Variants in CHST4 observed in about 807,000 individuals in gnomAD.
CHST4 encodes GST-3.
For missense variants in CHST4, 466 were observed against 506.0 expected (o/e 0.92, Z 0.76); for synonymous variants, 171 against 195.5 (o/e 0.87, Z 1.05).
chr16:71,535,896 A>G (rs1000451048), intron 1 of CHST4, among the ~76,000 whole-genome samples: 6 of 152,172 alleles, frequency 3.9e-5, no homozygotes, highest in Non-Finnish European at 8.8e-5. Context: ...AATCAGAAGG[A>G]TTTGCTATCT....
chr16:71,536,724 A>G lies in CHST4; in HGVS notation c.47A>G (p.Gln16Arg), dbSNP rs751258660. Residue 16 changes from glutamine (Q) to arginine (R), a missense_variant, in exon 2 of 2, where the codon CAG becomes CGG. By Grantham distance (43) the Gln-to-Arg change is conservative (BLOSUM62 1). Transcript: ENST00000539698. The stretch of plus-strand genomic sequence containing the variant: ...AAGCTCCTGCTGTTTCTGGTTTCCC[A>G]GATGGCCATCTTGGCTCTATTCTTC... ...KMKLLLFLVS[Q>R]MAILALFFHM... is the part of the protein sequence containing the mutation. 6 of 1,495,820 alleles carry G rather than the reference A, an allele frequency of 4.0e-6. No individual in the cohort carries two copies. Among genetic ancestry groups the G allele is most frequent in the Non-Finnish European group, 5.3e-6 (6 of 1,124,060 alleles). 92.7% of individuals were successfully genotyped at this position (1,495,820 alleles called of 1,614,324 possible).
At position 71,537,117 on chromosome 16, in the gene CHST4, T is replaced by A; in HGVS notation, c.440T>A (p.Ile147Asn). 1 of 1,614,032 alleles carries A rather than the reference T, an allele frequency of 6.2e-7. No homozygotes were observed. Among genetic ancestry groups the A allele is most frequent in the Non-Finnish European group, 8.5e-7 (1 of 1,180,006 alleles). Residue 147 changes from isoleucine (I) to asparagine (N), a missense_variant, in exon 2 of 2, where the codon ATC (isoleucine) becomes AAC (asparagine). Coordinates refer to ENST00000539698, the MANE Select transcript of CHST4 (RefSeq NM_001166395.2). The surrounding 1 kb of genome is among the most constrained non-coding windows in gnomAD (Gnocchi z 4.2). Reference sequence around the variant, plus strand: ...GACATCATCCCACAAGATGAAATCATCCCCCGGGCTCACTGCAGGCTCCTG... The same window carrying A: ...GACATCATCCCACAAGATGAAATCAACCCCCGGGCTCACTGCAGGCTCCTG... Reference protein sequence around the residue: ...ACDIIPQDEIIPRAHCRLLCS... With the variant: ...ACDIIPQDEINPRAHCRLLCS...
chr16:71,526,827 C>A (rs1478114956), intron 1 of CHST4, among the ~76,000 whole-genome samples: 1 of 152,130 alleles, frequency 6.6e-6, no homozygotes, highest in Admixed American at 6.5e-5. Context: ...GCTCAAATTT[C>A]TGTACTTCCT....
At position 71,527,533 on chromosome 16, in the gene CHST4, G is replaced by A. The variant is rs540669416; in HGVS notation, c.-19+1038G>A. 1.3e-3 allele frequency among the ~76,000 whole-genome samples: 191 copies of A among 152,282 alleles called. 1 individual carries two copies. The highest frequency in any genetic ancestry group is 4.3e-3 in the African/African-American group (177 of 41,568). ...AAGCTGAGGCAGGTGGATCACCTGA[G>A]GCCAGGAGTTCAAGACCAGCCCGGC... On this transcript the variant is annotated intron_variant, in intron 1 of 1. Coordinates refer to ENST00000539698, the MANE Select transcript of CHST4 (RefSeq NM_001166395.2).
intron 1 of CHST4, among the ~76,000 whole-genome samples, chr16:71,530,471 A>C (rs1182545344): frequency 6.6e-6 from 1 of 152,162 alleles, no homozygotes; most frequent in African/African-American, 2.4e-5. Flanking sequence ...CTTATGCTTT[A>C]AAAAGATATT....
chr16:71,528,306 G>A (rs1441180716), intron 1 of CHST4, among the ~76,000 whole-genome samples: 3 of 151,188 alleles, frequency 2.0e-5, no homozygotes, highest in African/African-American at 7.3e-5. Flanking sequence ...TCAGATGGTT[G>A]GGGGGCCTTA....
rs2043998995 is a variant in CHST4 at position 71,537,346 on chromosome 16, T to C, written c.669T>C (p.Ile223=). 1 of 1,614,010 alleles carries C rather than the reference T, an allele frequency of 6.2e-7. No individual in the cohort carries two copies. The highest frequency in any genetic ancestry group is 1.1e-5 in the South Asian group (1 of 91,084). The change falls in exon 2 of 2, where the codon ATT becomes ATC. Residue 223 remains isoleucine, a synonymous_variant. Coordinates refer to ENST00000539698, the MANE Select transcript of CHST4 (RefSeq NM_001166395.2). This position sits in a 1 kb window ranked among gnomAD's most constrained non-coding sequence, Gnocchi z 4.2. ...AACGCACAAAGGGAGATCTCATGATTGACAGTCGCATTGTGATGGGGCAGC... is the reference window on the plus strand; with the variant it reads ...AACGCACAAAGGGAGATCTCATGATCGACAGTCGCATTGTGATGGGGCAGC... ...SRERTKGDLM[I]DSRIVMGQHE...
chr16:71,528,445 T>C (rs1310201787), intron 1 of CHST4, among the ~76,000 whole-genome samples: 3 of 152,164 alleles, frequency 2.0e-5, no homozygotes, highest in Non-Finnish European at 4.4e-5. Context: ...GAGCACCTAC[T>C]ATGTGCCATG....
Position 71,537,471 on chromosome 16 carries a change from A to T in CHST4, c.794A>T (p.Lys265Met). 1 of 1,614,160 alleles carries T rather than the reference A, an allele frequency of 6.2e-7. No homozygotes were observed. The highest frequency in any genetic ancestry group is 8.5e-7 in the Non-Finnish European group (1 of 1,180,022). Residue 265 changes from lysine (K) to methionine (M), a missense_variant, in exon 2 of 2, where the codon AAG becomes ATG. Coordinates refer to ENST00000539698, the MANE Select transcript of CHST4 (RefSeq NM_001166395.2). This position sits in a 1 kb window ranked among gnomAD's most constrained non-coding sequence, Gnocchi z 4.2. ...EIYKTIQSLP[K>M]ALQERYLLVR... is the part of the protein sequence containing the mutation. ...TACAAGACCATCCAGTCCTTGCCCA[A>T]GGCCCTGCAGGAACGCTACCTGCTT...
chr16:71,534,275 G>A (rs924820986), intron 1 of CHST4, among the ~76,000 whole-genome samples: 3 of 150,932 alleles, frequency 2.0e-5, no homozygotes, highest in East Asian at 2.0e-4. Context: ...TGTAATCCTA[G>A]CACTTTGGGA....
chr16:71,532,367 T>C (rs570174569), intron 1 of CHST4, among the ~76,000 whole-genome samples: 1 of 152,226 alleles, frequency 6.6e-6, no homozygotes, highest in Admixed American at 6.5e-5. Flanking sequence ...TGTTCTAATC[T>C]GCAGGGCTAA....
intron 1 of CHST4, among the ~76,000 whole-genome samples, chr16:71,529,512 G>C (rs1460311514): frequency 7.3e-6 from 1 of 136,064 alleles, no homozygotes; most frequent in Non-Finnish European, 1.6e-5. Flanking sequence ...CTGCTTTCTA[G>C]CAATTACTGT....
rs1205914409 is a variant in CHST4, at chr16:71,536,702, C to T, written c.25C>T (p.Leu9Phe). The T allele has an allele frequency of 6.7e-7, 1 of 1,495,578 alleles. No individual in the cohort carries two copies. The highest frequency in any genetic ancestry group is 2.3e-5 in the East Asian group (1 of 43,052). The allele number at this position is 1,495,578 out of a possible 1,614,324, so 92.6% of individuals were successfully genotyped here. The change falls in exon 2 of 2, where the codon CTC becomes TTC. Residue 9 changes from leucine (L) to phenylalanine (F), a missense_variant. Coordinates refer to ENST00000539698, the MANE Select transcript of CHST4 (RefSeq NM_001166395.2). MLLPKKMK[L>F]LLFLVSQMAI... is the part of the protein sequence containing the mutation. ...AATGCTACTGCCTAAAAAAATGAAG[C>T]TCCTGCTGTTTCTGGTTTCCCAGAT...
At chr16:71,527,267 TATTGTCGATGAAAA>T (rs1464629904) in intron 1 of CHST4, among the ~76,000 whole-genome samples, 2 of 152,208 alleles carry the variant, frequency 1.3e-5, no homozygotes, top group Admixed American at 6.5e-5. Flanking sequence ...ATAAATGTAA[TATTGTCGATGAAAA>T]GAGTCAGACT....
chr16:71,533,912 C>G (rs996835865), intron 1 of CHST4, among the ~76,000 whole-genome samples: 3 of 151,756 alleles, frequency 2.0e-5, no homozygotes, highest in Non-Finnish European at 4.4e-5. Flanking sequence ...CCTGGTGGCA[C>G]GTGCCTATAG....
At chr16:71,534,687 C>T (rs2043975010) in intron 1 of CHST4, among the ~76,000 whole-genome samples, 1 of 152,006 alleles carries the variant, frequency 6.6e-6, no homozygotes, top group East Asian at 1.9e-4. Context: ...CTTGTCTCTG[C>T]AAAAATAAAT....
chr16:71,534,570 C>T (rs1287980957), intron 1 of CHST4, among the ~76,000 whole-genome samples: 1 of 151,950 alleles, frequency 6.6e-6, no homozygotes, highest in Non-Finnish European at 1.5e-5. Flanking sequence ...GTTGGCCAGG[C>T]TGGTCTCAAA....
Position 71,537,675 on chromosome 16 carries a change from C to T in CHST4, c.998C>T (p.Ala333Val), listed in dbSNP as rs756295634. 39 of 1,614,116 alleles carry T rather than the reference C, an allele frequency of 2.4e-5. No homozygotes were observed. The highest frequency in any genetic ancestry group is 3.1e-5 in the Non-Finnish European group (36 of 1,180,042). The change falls in exon 2 of 2, where the codon GCT becomes GTT. Residue 333 changes from alanine (A) to valine (V), a missense_variant. By Grantham distance (64) the Ala-to-Val change is moderately conservative. Transcript: ENST00000539698. The surrounding 1 kb of genome is among the most constrained non-coding windows in gnomAD (Gnocchi z 4.2). ...NARDALNVSQ[A>V]WRWSLPYEKV... is the part of the protein sequence containing the mutation. ...AGGGATGCCCTTAATGTCTCCCAGG[C>T]TTGGCGCTGGTCTTTGCCCTATGAA... is the stretch of plus-strand genomic sequence containing the variant.
chr16:71,527,964 G>T (rs1415755940), intron 1 of CHST4, among the ~76,000 whole-genome samples: 3 of 152,108 alleles, frequency 2.0e-5, no homozygotes, highest in Non-Finnish European at 4.4e-5. Flanking sequence ...GTCATGGCCT[G>T]AAACAGTCTC....
Sources: allele counts gnomAD v4.1 joint callset (sites outside exome capture counted in the v4.1 genomes callset), GRCh38; gene constraint gnomAD v4.1.1; non-coding constraint Gnocchi (gnomAD v3.1); transcripts MANE v1.5; gene names NCBI Gene and HGNC (gene_info 2026-07-23, HGNC 2026-07-21).